The following MBOAT4 variants were observed in gnomAD, a reference collection of about 807,000 sequenced individuals.
The protein encoded by MBOAT4 is membrane-bound ghrelin O-acyltransferase MBOAT4.
In MBOAT4, 11 loss-of-function variants were observed where a neutral mutation model predicts 13.2. The ratio of observed to expected loss-of-function variants is 0.84; its 90% CI spans 0.53 to 1.38. The LOEUF is 1.38. Among genes scored for constraint, MBOAT4 ranks in the 40% most tolerant of loss-of-function variants. MBOAT4 has a pLI of 0.00. For missense variants in MBOAT4, 481 were observed against 527.2 expected, an observed-to-expected ratio of 0.91 and a Z score of 0.86; for synonymous variants, 202 against 210.3, an observed-to-expected ratio of 0.96 and a Z score of 0.34.
intron 2 of MBOAT4, chr8:30,137,703 T>C (rs192200604): frequency 9.3e-5 from 54 of 580,540 alleles, no homozygotes; most frequent in Middle Eastern, 9.1e-4. Flanking sequence ...GGACTCATTT[T>C]GGGAGGAACT....
chr8:30,142,452 C>T lies in MBOAT4; in HGVS notation c.119+2031G>A, dbSNP rs572056665. On this transcript the variant is annotated intron_variant, in intron 1 of 2. Coordinates refer to ENST00000320542, the MANE Select transcript of MBOAT4 (RefSeq NM_001100916.2). ...CTTACTACAACCTCAACCTCTTGGG[C>T]TCAAGGGATCCTCCTGCCTCAGGCT... Among the ~76,000 whole-genome samples the T allele has an allele frequency of 2.0e-5, 3 of 152,270 alleles. No individual in the cohort carries two copies. The South Asian group carries it at 6.2e-4, about 32-fold the overall frequency.
At chr8:30,139,330 A>T (rs1401228424) in intron 1 of MBOAT4, among the ~76,000 whole-genome samples, 2 of 151,800 alleles carry the variant, frequency 1.3e-5, no homozygotes, top group Non-Finnish European at 2.9e-5. Context: ...TTCCCTCCCA[A>T]GGTATTCCAC....
intron 1 of MBOAT4, among the ~76,000 whole-genome samples, chr8:30,140,649 T>C (rs1188551494): frequency 6.6e-6 from 1 of 151,916 alleles, no homozygotes; most frequent in East Asian, 1.9e-4. Context: ...ATCATGTCCA[T>C]GAGATCTTGT....
chr8:30,137,323 A>G (rs1803169807), intron 2 of MBOAT4: 2 of 1,551,620 alleles, frequency 1.3e-6, no homozygotes, highest in African/African-American at 1.4e-5. Context: ...GTCTGAAGGA[A>G]GAGAAACACT....
chr8:30,133,056 A>C, intron 2 of MBOAT4, 150 bp from the exon 3 acceptor site: 1 of 596,838 alleles, frequency 1.7e-6, no homozygotes, highest in Non-Finnish European at 2.7e-6. Context: ...CACAAAATAA[A>C]TCTTAAAATA....
chr8:30,136,022 T>C (rs187100893), intron 2 of MBOAT4, among the ~76,000 whole-genome samples: 103 of 152,128 alleles, frequency 6.8e-4, no homozygotes, highest in African/African-American at 2.3e-3. Context: ...TTTCTATCCA[T>C]GTGTCTGAAG....
intron 2 of MBOAT4, among the ~76,000 whole-genome samples, chr8:30,134,220 C>T (rs560143910): frequency 3.3e-5 from 5 of 152,136 alleles, no homozygotes; most frequent in African/African-American, 4.8e-5. Context: ...GTCAAGAGAT[C>T]GAGACCATCC....
rs267601894 is a variant in MBOAT4, at chr8:30,144,564, G to A, written c.38C>T (p.Ser13Leu). 1 of 1,551,412 alleles carries A rather than the reference G, an allele frequency of 6.4e-7. No individual in the cohort carries two copies. The highest frequency in any genetic ancestry group is 1.2e-5 in the South Asian group (1 of 84,062). ...WLWLFFLHPI[S>L]FYQGAAFPFA... ...GGGAAATGCAGCCCCCTGGTAAAACGATATAGGATGGAGAAAGAACAGCCA... is the reference window on the plus strand; with the variant it reads ...GGGAAATGCAGCCCCCTGGTAAAACAATATAGGATGGAGAAAGAACAGCCA... The change falls in exon 1 of 3, where the codon TCG becomes TTG. Residue 13 changes from serine (S) to leucine (L), a missense_variant. By Grantham distance (145) the Ser-to-Leu change is moderately radical (BLOSUM62 -2). Transcript: ENST00000320542.
intron 1 of MBOAT4, among the ~76,000 whole-genome samples, chr8:30,139,048 C>G (rs1175284859): frequency 6.6e-6 from 1 of 151,766 alleles, no homozygotes; most frequent in Non-Finnish European, 1.5e-5. Flanking sequence ...TCATGGCTCA[C>G]CACAGCCCTG....
chr8:30,132,306 T>G lies in MBOAT4; in HGVS notation c.945A>C (p.Arg315=). 1.3e-6 allele frequency: 2 copies of G among 1,551,724 alleles called. No individual in the cohort carries two copies. Among genetic ancestry groups the G allele is most frequent in the Non-Finnish European group, 1.7e-6 (2 of 1,146,994 alleles). ...CCCTGCTGTGCTGGAATACAAGCCG[T>G]CGGAGCCATCGAGCTGTGCTTTGGT... is the stretch of plus-strand genomic sequence containing the variant. ...KWNQSTARWL[R]RLVFQHSRAW... is the part of the protein sequence containing the mutation. Residue 315 remains arginine (R), a synonymous_variant, in exon 3 of 3, where the codon CGA becomes CGC. Coordinates refer to ENST00000320542, the MANE Select transcript of MBOAT4 (RefSeq NM_001100916.2).
At chr8:30,143,481 C>T (rs1345604413) in intron 1 of MBOAT4, among the ~76,000 whole-genome samples, 2 of 151,914 alleles carry the variant, frequency 1.3e-5, no homozygotes, top group African/African-American at 2.4e-5. Context: ...AGTACACTCA[C>T]CATTTCTGTT....
At chr8:30,134,571 T>C (rs1479999144) in intron 2 of MBOAT4, among the ~76,000 whole-genome samples, 2 of 152,184 alleles carry the variant, frequency 1.3e-5, no homozygotes, top group Non-Finnish European at 2.9e-5. Context: ...AGACAGAGTC[T>C]CATTCTATGG....
rs2117533793 is a variant in MBOAT4 at position 30,132,845 on chromosome 8, C to T, written c.406G>A (p.Asp136Asn). The change falls in exon 3 of 3, where the codon GAC (aspartate) becomes AAC (asparagine). Residue 136 changes from aspartate to asparagine, a missense_variant. By Grantham distance (23) the Asp-to-Asn change is conservative. Coordinates refer to ENST00000320542, the MANE Select transcript of MBOAT4 (RefSeq NM_001100916.2). ...LTQRVTSLSL[D>N]ICEGKVKAAS... The stretch of plus-strand genomic sequence containing the variant: ...GCCTTCACTTTCCCCTCACAAATGT[C>T]CAGAGAGAGGGACGTGACCCTCTGG... 1.3e-6 allele frequency: 2 copies of T among 1,551,504 alleles called. No homozygotes were observed. Among genetic ancestry groups the T allele is most frequent in the Non-Finnish European group, 1.7e-6 (2 of 1,146,896 alleles).
At chr8:30,143,367 ATATAT>A (rs1470193902) in intron 1 of MBOAT4, among the ~76,000 whole-genome samples, 14 of 15,340 alleles carry the variant, frequency 9.1e-4, no homozygotes, top group African/African-American at 1.5e-3. Context: ...AAAAAAAAAA[ATATAT>A]ATATATATAT....
chr8:30,143,425 A>G (rs987128829), intron 1 of MBOAT4, among the ~76,000 whole-genome samples: 8 of 151,228 alleles, frequency 5.3e-5, no homozygotes, highest in African/African-American at 1.9e-4. Flanking sequence ...TAAAAAATGT[A>G]TTTGCGACTT....
chr8:30,138,459 G>A (rs979957464), intron 2 of MBOAT4, 73 bp downstream of exon 2: 1 of 1,243,210 alleles, frequency 8.0e-7, no homozygotes, highest in East Asian at 2.6e-5. Context: ...CAACACCCAG[G>A]TTCTCTCTGC....
In MBOAT4 at chr8:30,138,563, C is replaced by G. The variant is rs2044404821; in HGVS notation, c.313G>C (p.Glu105Gln). 1 of 1,551,326 alleles carries G rather than the reference C, an allele frequency of 6.4e-7. No individual in the cohort carries two copies. Among genetic ancestry groups the G allele is most frequent in the Admixed American group, 2.0e-5 (1 of 50,974 alleles). The change falls in exon 2 of 3, where the codon GAG becomes CAG. Residue 105 changes from glutamate to glutamine, a missense_variant. Physicochemically the swap from Glu to Gln is conservative, Grantham distance 29 (BLOSUM62 2). Transcript: ENST00000320542. The part of the protein sequence containing the change: ...TLCHLGLHYT[E>Q]YYLHEPPSVR... ...GAAGGAGGCTCATGCAGATAATACT[C>G]AGTGTAGTGCAGACCTAGGTGACAC... is the stretch of plus-strand genomic sequence containing the variant.
At chr8:30,144,382 C>T (rs148418444) in intron 1 of MBOAT4, 101 bp downstream of exon 1, 22 of 797,566 alleles carry the variant, frequency 2.8e-5, no homozygotes, top group Middle Eastern at 2.3e-4. Context: ...GTGATCTGCC[C>T]GCCTCAGCCT....
chr8:30,134,344 ACCTGG>A (rs1585483334), intron 2 of MBOAT4, among the ~76,000 whole-genome samples: 1 of 151,844 alleles, frequency 6.6e-6, no homozygotes, highest in East Asian at 1.9e-4. Flanking sequence ...AGTCACTGGA[ACCTGG>A]GAGGCGGAGG....
Sources: gnomAD v4.1 joint callset for allele counts (sites outside exome capture counted in the v4.1 genomes callset) on GRCh38, gnomAD v4.1.1 for gene constraint, MANE v1.5 for transcripts, NCBI Gene and HGNC (gene_info 2026-07-23, HGNC 2026-07-21) for gene names.